The following MROH9 variants were observed in gnomAD, a reference collection of about 807,000 sequenced individuals.
MROH9 encodes the protein maestro heat like repeat family member 9, also known as maestro heat-like repeat-containing protein family member 9.
In MROH9, 92 loss-of-function variants were observed where a neutral mutation model predicts 98.2. The ratio of observed to expected loss-of-function variants is 0.94; its 90% CI spans 0.79 to 1.11. The LOEUF (loss-of-function observed/expected upper bound fraction) is 1.11. Ranked by LOEUF, MROH9 falls within the 50% of genes most tolerant of loss-of-function variation. The pLI, the probability that MROH9 is intolerant of heterozygous loss-of-function variation, is 0.00. For synonymous variants in MROH9, 397 were observed against 368.9 expected, an observed-to-expected ratio of 1.08 and a Z score of -0.87; for missense variants, 1,057 against 1,014.8, an observed-to-expected ratio of 1.04 and a Z score of -0.57.
intron 3 of MROH9, among the ~76,000 whole-genome samples, chr1:170,951,640 G>A (rs1396429790): frequency 6.6e-6 from 1 of 152,126 alleles, no homozygotes; most frequent in Non-Finnish European, 1.5e-5. Flanking sequence ...AGAGCCTGCA[G>A]GGAAAGACAC....
chr1:171,005,363 G>A (rs939630111), intron 15 of MROH9, among the ~76,000 whole-genome samples: 2 of 152,062 alleles, frequency 1.3e-5, no homozygotes, highest in Non-Finnish European at 2.9e-5. Flanking sequence ...GAGCCATCAC[G>A]CCTGGCCAGT....
At chr1:171,015,681 G>A (rs1265047801) in intron 16 of MROH9, among the ~76,000 whole-genome samples, 1 of 151,996 alleles carries the variant, frequency 6.6e-6, no homozygotes, top group Non-Finnish European at 1.5e-5. Context: ...TAATTTAGAG[G>A]TCATTCTGCT....
intron 15 of MROH9, among the ~76,000 whole-genome samples, chr1:171,006,981 A>G (rs1651974967): frequency 6.6e-6 from 1 of 152,052 alleles, no homozygotes; most frequent in Admixed American, 6.5e-5. Flanking sequence ...TTTGTGGTCA[A>G]CTACTGGAGC....
chr1:170,984,897 G>A (rs565913856), intron 9 of MROH9, among the ~76,000 whole-genome samples: 1 of 152,234 alleles, frequency 6.6e-6, no homozygotes, highest in East Asian at 1.9e-4. Flanking sequence ...GTAGAAACAA[G>A]ACCAAGAGGC....
intron 15 of MROH9, among the ~76,000 whole-genome samples, chr1:171,008,770 T>TA (rs1557896201): frequency 6.6e-6 from 1 of 152,082 alleles, no homozygotes; most frequent in African/African-American, 2.4e-5. Context: ...GTATCTCTTT[T>TA]AAAAAAAGAA....
chr1:170,972,298 T>C (rs796206034), intron 8 of MROH9, among the ~76,000 whole-genome samples: 86 of 152,346 alleles, frequency 5.6e-4, no homozygotes, highest in African/African-American at 2.0e-3. Context: ...TAAATGTTGC[T>C]GTGGCTTGTC....
chr1:170,962,318 G>A (rs926135969), intron 6 of MROH9, among the ~76,000 whole-genome samples: 6 of 152,144 alleles, frequency 3.9e-5, no homozygotes, highest in Non-Finnish European at 8.8e-5. Flanking sequence ...ATGAAACCAT[G>A]CTGTGTATGT....
chr1:171,021,094 C>T (rs1380019485), intron 17 of MROH9, among the ~76,000 whole-genome samples: 1 of 152,054 alleles, frequency 6.6e-6, no homozygotes, highest in Non-Finnish European at 1.5e-5. Flanking sequence ...CAAACCACTG[C>T]TCAAGGAAAT....
At chr1:171,047,265 G>C (rs1653499003) in intron 20 of MROH9, among the ~76,000 whole-genome samples, 2 of 152,078 alleles carry the variant, frequency 1.3e-5, no homozygotes, top group Non-Finnish European at 2.9e-5. Context: ...TTCAACCCCT[G>C]TCTCTTTCTC....
chr1:170,998,070 A>G (rs530245021), intron 14 of MROH9, 84 bp from the exon 15 acceptor site: 3 of 1,035,724 alleles, frequency 2.9e-6, no homozygotes, highest in East Asian at 4.9e-5. Flanking sequence ...GAGGTGCAAG[A>G]TATTAGAATA....
intron 3 of MROH9, among the ~76,000 whole-genome samples, chr1:170,951,676 C>T (rs908854033): frequency 8.6e-5 from 13 of 152,024 alleles, no homozygotes; most frequent in Non-Finnish European, 1.3e-4. Context: ...TATCAAGGTG[C>T]GTGAATGTGA....
intron 20 of MROH9, among the ~76,000 whole-genome samples, chr1:171,038,579 C>G (rs1179886774): frequency 6.6e-6 from 1 of 152,142 alleles, no homozygotes; most frequent in Non-Finnish European, 1.5e-5. Context: ...TGTACACTGC[C>G]ATCTCACCTT....
At chr1:171,051,033 C>A (rs1653648614) in intron 20 of MROH9, among the ~76,000 whole-genome samples, 1 of 152,032 alleles carries the variant, frequency 6.6e-6, no homozygotes, top group Non-Finnish European at 1.5e-5. Flanking sequence ...TTATCTTTTT[C>A]ATGTTCTGTT....
chr1:171,000,459 A>G (rs1195665270), intron 15 of MROH9, among the ~76,000 whole-genome samples: 1 of 151,926 alleles, frequency 6.6e-6, no homozygotes. Context: ...GGGATGCTGG[A>G]CTTTGTCGAA....
chr1:171,006,838 G>A (rs1475725355), intron 15 of MROH9, among the ~76,000 whole-genome samples: 1 of 140,064 alleles, frequency 7.1e-6, no homozygotes, highest in Non-Finnish European at 1.5e-5. Context: ...TTTTAATTAA[G>A]TGTCTCTTTC....
At chr1:170,942,999 G>A (rs934812357) in intron 1 of MROH9, among the ~76,000 whole-genome samples, 4 of 152,014 alleles carry the variant, frequency 2.6e-5, no homozygotes, top group African/African-American at 4.8e-5. Flanking sequence ...GGATCAAGAG[G>A]AAAATTCCTC....
At chr1:171,016,526 A>G (rs1223725172) in intron 17 of MROH9, among the ~76,000 whole-genome samples, 190 bp downstream of exon 17, 1 of 152,094 alleles carries the variant, frequency 6.6e-6, no homozygotes, top group Non-Finnish European at 1.5e-5. Flanking sequence ...AACCTGGGGA[A>G]GAAAAGAAGA....
chr1:170,982,191 C>T (rs1407968739), intron 8 of MROH9, among the ~76,000 whole-genome samples: 1 of 152,092 alleles, frequency 6.6e-6, no homozygotes, highest in South Asian at 2.1e-4. Flanking sequence ...CGGAAACAAC[C>T]TAAATGTCCA....
intron 12 of MROH9, 40 bp from the exon 13 acceptor site, chr1:170,995,349 A>G (rs1324878961): frequency 6.2e-7 from 1 of 1,610,688 alleles, no homozygotes; most frequent in Non-Finnish European, 8.5e-7. Context: ...GTTTAGAGAA[A>G]AATGTTTACA....
Sources: gnomAD v4.1 joint callset for allele counts (sites outside exome capture counted in the v4.1 genomes callset) on GRCh38, gnomAD v4.1.1 for gene constraint, MANE v1.5 for transcripts, NCBI Gene and HGNC (gene_info 2026-07-23, HGNC 2026-07-21) for gene names.